GSTCD: variants seen among roughly 807,000 people sequenced by gnomAD.
The protein encoded by GSTCD is glutathione S-transferase C-terminal domain containing, also known as glutathione S-transferase C-terminal domain-containing protein.
GSTCD carries 44 observed loss-of-function variants against 68.3 expected under a neutral mutation model. That is an observed-to-expected ratio of 0.64 (90% CI 0.51 to 0.83). The LOEUF is 0.83. Among genes scored for constraint, GSTCD ranks in the 40% least tolerant of loss-of-function variants. The pLI, the probability that GSTCD is intolerant of heterozygous loss-of-function variation, is 0.00. For synonymous variants in GSTCD, 273 were observed against 255.2 expected, an observed-to-expected ratio of 1.07 and a Z score of -0.67; for missense variants, 739 against 735.9, an observed-to-expected ratio of 1.00 and a Z score of -0.05.
intron 5 of GSTCD, among the ~76,000 whole-genome samples, chr4:105,786,178 A>G (rs573004370): frequency 6.6e-6 from 1 of 151,060 alleles, no homozygotes; most frequent in African/African-American, 2.5e-5. Flanking sequence ...AATACAAGCA[A>G]TAAAATAAAA....
In GSTCD at chr4:105,826,808, A is replaced by C. The variant is rs76117501; in HGVS notation, c.1530+1008A>C. The stretch of plus-strand genomic sequence containing the variant: ...CCACTTTCCAGGAAGGTTCTTACTG[A>C]CATCCTTTCTAATTACATATGTTCA... On this transcript the variant is annotated intron_variant, in intron 8 of 11. Coordinates refer to ENST00000515279, the MANE Select transcript of GSTCD (RefSeq NM_001370181.1). Among the ~76,000 whole-genome samples, 115 of 152,296 alleles carry C rather than the reference A, an allele frequency of 7.6e-4. No homozygotes were observed. In the East Asian group the frequency reaches 0.021, roughly 27 times the overall value.
chr4:105,807,305 A>T (rs965140581), intron 5 of GSTCD: 5 of 152,086 alleles, frequency 3.3e-5, no homozygotes, highest in African/African-American at 1.2e-4. Context: ...GCATTCTCTT[A>T]TATAATCACA....
chr4:105,832,659 A>T (rs1179331446), intron 8 of GSTCD, among the ~76,000 whole-genome samples: 1 of 152,144 alleles, frequency 6.6e-6, no homozygotes, highest in Non-Finnish European at 1.5e-5. Context: ...CCAAGACTTC[A>T]TTTCCTCGCA....
intron 5 of GSTCD, among the ~76,000 whole-genome samples, chr4:105,737,519 T>A (rs746211309): frequency 4.6e-5 from 7 of 152,226 alleles, no homozygotes; most frequent in Non-Finnish European, 8.8e-5. Context: ...TTTTGTTGTC[T>A]ATGCTTTTTA....
At chr4:105,790,711 A>G (rs531547260) in intron 5 of GSTCD, among the ~76,000 whole-genome samples, 41 of 152,162 alleles carry the variant, frequency 2.7e-4, no homozygotes, top group Non-Finnish European at 4.9e-4. Context: ...ATTGCCATCA[A>G]ATGTTGGGGA....
At chr4:105,794,823 TTATCTATCTATCTATTTATCTATC>T (rs1427172396) in intron 5 of GSTCD, among the ~76,000 whole-genome samples, 7,397 of 139,978 alleles carry the variant, frequency 0.053, 475 homozygotes, top group African/African-American at 0.16. Flanking sequence ...ATTTCTGCTT[TTATCTATCTATCTATTTATCTATC>T]TATCTATCTA....
intron 8 of GSTCD, among the ~76,000 whole-genome samples, chr4:105,829,276 C>T (rs1277440783): frequency 6.6e-6 from 1 of 151,054 alleles, no homozygotes; most frequent in Non-Finnish European, 1.5e-5. Context: ...CAAAGCCTTA[C>T]TCTTTCATTC....
At chr4:105,762,281 G>C (rs1734439691) in intron 5 of GSTCD, among the ~76,000 whole-genome samples, 2 of 152,144 alleles carry the variant, frequency 1.3e-5, no homozygotes, top group African/African-American at 4.8e-5. Context: ...AATCCTAAAT[G>C]AATATATTCT....
chr4:105,767,181 T>C (rs1734649592), intron 5 of GSTCD, among the ~76,000 whole-genome samples: 1 of 152,088 alleles, frequency 6.6e-6, no homozygotes, highest in Non-Finnish European at 1.5e-5. Context: ...AGCTGGGTGT[T>C]TGCTTTATTT....
chr4:105,817,789 G>T (rs1382518023), intron 5 of GSTCD, among the ~76,000 whole-genome samples: 1 of 151,646 alleles, frequency 6.6e-6, no homozygotes, highest in Non-Finnish European at 1.5e-5. Context: ...GCTTTAAATG[G>T]CTGTTTTGTT....
chr4:105,753,232 T>C (rs760528601), intron 5 of GSTCD: 10 of 152,048 alleles, frequency 6.6e-5, no homozygotes, highest in Non-Finnish European at 1.3e-4. Context: ...GAAACCACTT[T>C]AAGTAGAACA....
At chr4:105,732,176 G>T (rs538617682) in intron 5 of GSTCD, among the ~76,000 whole-genome samples, 18 of 152,296 alleles carry the variant, frequency 1.2e-4, no homozygotes, top group African/African-American at 4.1e-4. Flanking sequence ...TTTCTGCCAG[G>T]CTTTGGTATC....
At chr4:105,780,310 TA>T (rs1369997220) in intron 5 of GSTCD, among the ~76,000 whole-genome samples, 1 of 152,218 alleles carries the variant, frequency 6.6e-6, no homozygotes, top group Non-Finnish European at 1.5e-5. Flanking sequence ...TGTCTCACAA[TA>T]TTCGCCTGCC....
intron 5 of GSTCD, among the ~76,000 whole-genome samples, chr4:105,752,989 C>T (rs190475108): frequency 3.3e-4 from 50 of 152,124 alleles, no homozygotes; most frequent in African/African-American, 1.2e-3. Flanking sequence ...TGGAGCACTT[C>T]CCAGTTCCAC....
At chr4:105,840,785 T>C (rs763492239) in intron 10 of GSTCD, among the ~76,000 whole-genome samples, 32 of 152,220 alleles carry the variant, frequency 2.1e-4, no homozygotes, top group Non-Finnish European at 3.8e-4. Context: ...GCAGAAGTAA[T>C]AATCAGGTCC....
intron 5 of GSTCD, among the ~76,000 whole-genome samples, chr4:105,801,184 C>G (rs1736093214): frequency 6.6e-6 from 1 of 152,164 alleles, no homozygotes. Flanking sequence ...TCAGCTAGGA[C>G]TGCTTCTCGA....
At chr4:105,829,200 A>G (rs1297520557) in intron 8 of GSTCD, among the ~76,000 whole-genome samples, 1 of 151,518 alleles carries the variant, frequency 6.6e-6, no homozygotes, top group Non-Finnish European at 1.5e-5. Context: ...AAAAAAAAAA[A>G]AAAAAAAGAA....
chr4:105,735,956 A>G (rs190621730), intron 5 of GSTCD, among the ~76,000 whole-genome samples: 175 of 152,326 alleles, frequency 1.1e-3, no homozygotes, highest in Non-Finnish European at 2.1e-3. Flanking sequence ...ACAAACTTTA[A>G]TGATCTTCTA....
chr4:105,803,778 A>G (rs1215038509), intron 5 of GSTCD, among the ~76,000 whole-genome samples: 1 of 152,072 alleles, frequency 6.6e-6, no homozygotes, highest in African/African-American at 2.4e-5. Flanking sequence ...CAAGAATTAT[A>G]CATATAATTC....
Sources: gnomAD v4.1 joint callset for allele counts (sites outside exome capture counted in the v4.1 genomes callset) on GRCh38, gnomAD v4.1.1 for gene constraint, MANE v1.5 for transcripts, NCBI Gene and HGNC (gene_info 2026-07-23, HGNC 2026-07-21) for gene names.